SEL1L2: variants seen among roughly 807,000 people sequenced by gnomAD.
SEL1L2 encodes protein sel-1 homolog 2.
A neutral mutation model predicts 98.8 loss-of-function variants in SEL1L2; 89 were observed. The observed-to-expected ratio is 0.90, with a 90% CI of 0.76 to 1.07. The LOEUF is 1.07. Among genes scored for constraint, SEL1L2 ranks in the 50% least tolerant of loss-of-function variants. The pLI is 0.00. For missense variants in SEL1L2, 788 were observed against 812.0 expected (o/e 0.97, Z 0.36); for synonymous variants, 262 against 278.5 (o/e 0.94, Z 0.59).
At chr20:13,958,275 T>G (rs1371579135) in intron 1 of SEL1L2, among the ~76,000 whole-genome samples, 1 of 152,174 alleles carries the variant, frequency 6.6e-6, no homozygotes, top group Non-Finnish European at 1.5e-5. Context: ...TATTATTATA[T>G]GGAACCTACT....
At chr20:13,860,713 T>A (rs1489078795) in intron 17 of SEL1L2, among the ~76,000 whole-genome samples, 1 of 152,122 alleles carries the variant, frequency 6.6e-6, no homozygotes, top group African/African-American at 2.4e-5. Flanking sequence ...ATCTGCTCCA[T>A]CTCAACTCTT....
At chr20:13,923,182 CTAAT>C (rs1317096378) in intron 3 of SEL1L2, among the ~76,000 whole-genome samples, 1 of 152,204 alleles carries the variant, frequency 6.6e-6, no homozygotes, top group Non-Finnish European at 1.5e-5. Flanking sequence ...ACATTTCTCT[CTAAT>C]TACTGTTTTG....
chr20:13,940,803 G>A (rs2148370290), intron 2 of SEL1L2, among the ~76,000 whole-genome samples: 1 of 152,286 alleles, frequency 6.6e-6, no homozygotes, highest in Non-Finnish European at 1.5e-5. Flanking sequence ...GGGAGGCTGA[G>A]GCAGGAGAAT....
intron 8 of SEL1L2, 117 bp downstream of exon 8, chr20:13,887,652 T>C (rs1331152699): frequency 3.0e-6 from 2 of 677,914 alleles, no homozygotes; most frequent in Non-Finnish European, 5.1e-6. Context: ...TTATAACATA[T>C]TAAAAACGTA....
At chr20:13,967,274 A>G (rs1452864905) in intron 1 of SEL1L2, among the ~76,000 whole-genome samples, 1 of 152,170 alleles carries the variant, frequency 6.6e-6, no homozygotes, top group African/African-American at 2.4e-5. Flanking sequence ...TTTGTAAGCC[A>G]TGGAAGAAGC....
intron 4 of SEL1L2, among the ~76,000 whole-genome samples, chr20:13,916,531 C>T (rs1281282023): frequency 2.0e-5 from 3 of 152,108 alleles, no homozygotes; most frequent in Non-Finnish European, 2.9e-5. Context: ...GGAGGCTGGG[C>T]GTGGTGGCTC....
intron 5 of SEL1L2, among the ~76,000 whole-genome samples, chr20:13,908,157 G>C (rs1568946624): frequency 9.9e-6 from 1 of 100,724 alleles, no homozygotes; most frequent in African/African-American, 3.9e-5. Flanking sequence ...TTGCTCTGTT[G>C]CCCAGGCTGG....
chr20:13,912,058 AGT>A (rs2048225379), intron 5 of SEL1L2, among the ~76,000 whole-genome samples: 1 of 152,156 alleles, frequency 6.6e-6, no homozygotes, highest in Non-Finnish European at 1.5e-5. Flanking sequence ...TGTCCTAGGC[AGT>A]GTGTTAAATG....
upstream of SEL1L2, among the ~76,000 whole-genome samples, chr20:13,994,380 T>G (rs2148600578): frequency 6.6e-6 from 1 of 150,604 alleles, no homozygotes; most frequent in African/African-American, 2.4e-5. Flanking sequence ...GTCCTACTAC[T>G]AAAAATATTC....
intron 2 of SEL1L2, among the ~76,000 whole-genome samples, chr20:13,932,471 A>C (rs886110884): frequency 6.6e-6 from 1 of 151,256 alleles, no homozygotes; most frequent in African/African-American, 2.4e-5. Context: ...TCACTCTGTC[A>C]CCCAGGCTGG....
chr20:13,871,274 C>A (rs770699852), intron 12 of SEL1L2, among the ~76,000 whole-genome samples: 1 of 152,060 alleles, frequency 6.6e-6, no homozygotes, highest in African/African-American at 2.4e-5. Context: ...CCACTTGATG[C>A]TAAATTAATT....
chr20:13,858,616 C>T (rs1193868910), intron 18 of SEL1L2, among the ~76,000 whole-genome samples: 1 of 152,234 alleles, frequency 6.6e-6, no homozygotes, highest in Admixed American at 6.5e-5. Flanking sequence ...ACATCTTTCT[C>T]ACTCTGTGAC....
chr20:13,987,253 C>T (rs543687744), intron 1 of SEL1L2, among the ~76,000 whole-genome samples: 9 of 151,900 alleles, frequency 5.9e-5, no homozygotes, highest in Middle Eastern at 3.4e-3. Flanking sequence ...TATATTCCAA[C>T]CAGCAATGTG....
At chr20:13,850,751 C>T (rs1362095028) in intron 18 of SEL1L2, among the ~76,000 whole-genome samples, 2 of 152,158 alleles carry the variant, frequency 1.3e-5, no homozygotes, top group African/African-American at 2.4e-5. Context: ...TCGTGAAACC[C>T]CAAACTGAAG....
intron 2 of SEL1L2, among the ~76,000 whole-genome samples, chr20:13,950,303 T>C (rs938726286): frequency 2.6e-5 from 4 of 152,110 alleles, no homozygotes; most frequent in African/African-American, 7.2e-5. Context: ...CATTTAAAAA[T>C]TGTTAAAATG....
chr20:13,963,065 C>CAA (rs11472589), intron 1 of SEL1L2, among the ~76,000 whole-genome samples: 103,063 of 140,386 alleles, frequency 0.73, 38,358 homozygotes, highest in South Asian at 0.83. Context: ...GACTCCATCT[C>CAA]AAAAAAAAAA....
intron 3 of SEL1L2, among the ~76,000 whole-genome samples, chr20:13,920,262 T>G (rs1473977855): frequency 6.7e-6 from 1 of 150,194 alleles, no homozygotes; most frequent in African/African-American, 2.4e-5. Flanking sequence ...TACCTAAGGC[T>G]TTTCCACCTC....
intron 18 of SEL1L2, among the ~76,000 whole-genome samples, chr20:13,853,248 G>A (rs1274600988): frequency 6.6e-6 from 1 of 151,992 alleles, no homozygotes; most frequent in African/African-American, 2.4e-5. Flanking sequence ...GCCCAGGCTG[G>A]AGTACGGTGG....
intron 5 of SEL1L2, among the ~76,000 whole-genome samples, chr20:13,896,775 A>G (rs2047446475): frequency 6.6e-6 from 1 of 152,210 alleles, no homozygotes. Flanking sequence ...CAAATCAATA[A>G]GAAGACAGCT....
Sources: allele counts gnomAD v4.1 joint callset (sites outside exome capture counted in the v4.1 genomes callset), GRCh38; gene constraint gnomAD v4.1.1; transcripts MANE v1.5; gene names NCBI Gene and HGNC (gene_info 2026-07-23, HGNC 2026-07-21).